The following SPG7 variants were observed in gnomAD, a reference collection of about 807,000 sequenced individuals.
SPG7 encodes the protein mitochondrial inner membrane m-AAA protease component paraplegin.
A neutral mutation model predicts 81.9 loss-of-function variants in SPG7; 103 were observed. That is an observed-to-expected ratio of 1.26 (90% CI 1.07 to 1.48). The LOEUF (loss-of-function observed/expected upper bound fraction) is 1.48, where lower values mean the gene tolerates loss of function less well. SPG7 is among the 40% of genes most tolerant of loss of function. The probability of loss-of-function intolerance (pLI) is 0.00; values close to 1 mark genes in which losing one functional copy is unlikely to be tolerated. For missense variants in SPG7, 1,241 were observed against 1,087.3 expected, an observed-to-expected ratio of 1.14 and a Z score of -1.99; for synonymous variants, 534 against 444.2, an observed-to-expected ratio of 1.20 and a Z score of -2.54.
chr16:89,531,809 A>T, intron 7 of SPG7, 95 bp from the exon 8 acceptor site: 1 of 1,284,774 alleles, frequency 7.8e-7, no homozygotes, highest in East Asian at 2.3e-5. Flanking sequence ...CACCCACTGC[A>T]CTCCAGCCTG....
In SPG7 at chr16:89,532,150, G is replaced by C. The variant is rs536877993; in HGVS notation, c.1150+84G>C. 1.9e-5 allele frequency: 27 copies of C among 1,416,040 alleles called. No homozygotes were observed. The East Asian group carries it at 5.7e-4, about 30-fold the overall frequency. The allele number at this position is 1,416,040 out of a possible 1,614,324, so 87.7% of individuals were successfully genotyped here. Reference sequence around the variant, plus strand: ...ACATCCTTCCTCTGGTGTCTGGACTGAAAGGGACACGGGTGGGTGGGGGAG... The same window carrying C: ...ACATCCTTCCTCTGGTGTCTGGACTCAAAGGGACACGGGTGGGTGGGGGAG... On this transcript the variant is annotated intron_variant, in intron 8 of 16. Coordinates refer to ENST00000645818, the MANE Select transcript of SPG7 (RefSeq NM_003119.4).
chr16:89,539,191 A>G (rs1050787848), intron 9 of SPG7: 3 of 152,174 alleles, frequency 2.0e-5, no homozygotes, highest in African/African-American at 7.2e-5. Flanking sequence ...GCTCATTTTG[A>G]TAAAGTTCAG....
At chr16:89,525,753 T>C (rs1043380972) in intron 4 of SPG7, among the ~76,000 whole-genome samples, 1 of 152,144 alleles carries the variant, frequency 6.6e-6, no homozygotes, top group Non-Finnish European at 1.5e-5. Flanking sequence ...TGGTTAAACA[T>C]GAACCCTCTG....
At chr16:89,532,706 G>A in intron 9 of SPG7, 70 bp downstream of exon 9, 3 of 1,586,570 alleles carry the variant, frequency 1.9e-6, no homozygotes, top group Non-Finnish European at 2.6e-6. Context: ...TTCAGAACAG[G>A]TTGTGGTGAG....
chr16:89,550,046 G>T (rs2058615320), intron 12 of SPG7: 2 of 269,908 alleles, frequency 7.4e-6, no homozygotes, highest in Non-Finnish European at 1.5e-5. Flanking sequence ...TTTGAGTTGG[G>T]GTGTCCAGAG....
chr16:89,552,710 G>A (rs961754621), intron 13 of SPG7: 22 of 485,774 alleles, frequency 4.5e-5, no homozygotes, highest in Middle Eastern at 5.9e-4. Context: ...TGTCTTCTAC[G>A]GGCCTTGTCT....
At position 89,544,735 on chromosome 16, in the gene SPG7, T is replaced by C. The variant is rs1426260380; in HGVS notation, c.1412T>C (p.Leu471Pro). 6.2e-7 allele frequency: 1 copy of C among 1,614,004 alleles called. No individual in the cohort carries two copies. Among genetic ancestry groups the C allele is most frequent in the African/African-American group, 1.3e-5 (1 of 74,942 alleles). ...LDGALMRPGR[L>P]DRHVFIDLPT... ...GGTGCTCTGATGAGGCCAGGCCGACTGGACCGGCACGTCTTCATTGATCTC... is the reference window on the plus strand; with the variant it reads ...GGTGCTCTGATGAGGCCAGGCCGACCGGACCGGCACGTCTTCATTGATCTC... Residue 471 changes from leucine to proline, a missense_variant, in exon 10 of 17, where the codon CTG (leucine) becomes CCG (proline). By Grantham distance (98) the Leu-to-Pro change is moderately conservative. Transcript: ENST00000645818.
At position 89,523,994 on chromosome 16, in the gene SPG7, C is replaced by T. The variant is rs1213265783; in HGVS notation, c.377-12C>T. ...GTGTTTGTTTCTCCCTTTTGCTTCTCTGCCGGCTCAGAGGAGAGGAGACGC... is the reference window on the plus strand; with the variant it reads ...GTGTTTGTTTCTCCCTTTTGCTTCTTTGCCGGCTCAGAGGAGAGGAGACGC... On this transcript the variant is annotated splice_polypyrimidine_tract_variant and intron_variant, in intron 3 of 16. Transcript: ENST00000645818. 6.2e-7 allele frequency: 1 copy of T among 1,611,490 alleles called. No individual in the cohort carries two copies. The highest frequency in any genetic ancestry group is 8.5e-7 in the Non-Finnish European group (1 of 1,179,970).
At chr16:89,528,084 A>T (rs2058288370) in intron 5 of SPG7, among the ~76,000 whole-genome samples, 1 of 151,574 alleles carries the variant, frequency 6.6e-6, no homozygotes, top group Non-Finnish European at 1.5e-5. Flanking sequence ...TCGTAGGCCG[A>T]TGATGGACAG....
chr16:89,512,862 G>C, intron 2 of SPG7, 86 bp from the exon 3 acceptor site: 5 of 1,466,410 alleles, frequency 3.4e-6, no homozygotes, highest in Non-Finnish European at 4.7e-6. Context: ...GTTTTGCTTT[G>C]GTTATTTAGG....
intron 9 of SPG7, among the ~76,000 whole-genome samples, chr16:89,535,184 T>C (rs2152405035): frequency 6.6e-6 from 1 of 152,316 alleles, no homozygotes; most frequent in Admixed American, 6.5e-5. Context: ...AGGTTTACAG[T>C]GTCGCTGCAC....
chr16:89,554,887 A>G (rs893111076), intron 16 of SPG7: 6 of 287,068 alleles, frequency 2.1e-5, no homozygotes, highest in African/African-American at 1.3e-4. Context: ...TTTTTTTAAA[A>G]CAAAGCTTTA....
intron 15 of SPG7, among the ~76,000 whole-genome samples, chr16:89,554,224 C>T (rs1003024951): frequency 6.6e-6 from 1 of 151,272 alleles, no homozygotes; most frequent in Non-Finnish European, 1.5e-5. Flanking sequence ...ACCCAGGGCC[C>T]ACATGTCCTT....
At chr16:89,550,412 A>T in intron 12 of SPG7, 82 bp from the exon 13 acceptor site, 1 of 939,824 alleles carries the variant, frequency 1.1e-6, no homozygotes, top group Non-Finnish European at 1.7e-6. Context: ...TCCTCAGGTC[A>T]TCCGCCCGCC....
intron 3 of SPG7, chr16:89,518,029 C>G (rs544951479): frequency 3.9e-5 from 6 of 152,218 alleles, no homozygotes; most frequent in African/African-American, 1.2e-4. Context: ...GCCAAATAAT[C>G]TTTCTTGTGA....
intron 15 of SPG7, 24 bp from the exon 16 acceptor site, chr16:89,554,462 T>C (rs2074647920): frequency 6.3e-7 from 1 of 1,577,104 alleles, no homozygotes; most frequent in Non-Finnish European, 8.7e-7. Context: ...GCCTTGCCCC[T>C]GACACAGTTC....
Position 89,532,491 on chromosome 16 carries a change from C to T in SPG7, c.1179C>T (p.Leu393=). ...TCGGCGCTGCCCGTGTGCGGAGCCT[C>T]TTTAAGGAAGCCCGAGCCCGGGCCC... ...GGLGAARVRS[L]FKEARARAPC... The change falls in exon 9 of 17, where the codon CTC becomes CTT. Residue 393 remains leucine, a synonymous_variant. Transcript: ENST00000645818. 1 of 1,613,596 alleles carries T rather than the reference C, an allele frequency of 6.2e-7. No homozygotes were observed. Among genetic ancestry groups the T allele is most frequent in the African/African-American group, 1.3e-5 (1 of 75,044 alleles).
intron 6 of SPG7, 50 bp downstream of exon 6, chr16:89,529,629 C>A: frequency 1.5e-6 from 2 of 1,357,224 alleles, no homozygotes; most frequent in Non-Finnish European, 1.0e-6. Context: ...TTTGTGTTTG[C>A]TGAATACTTT....
At chr16:89,512,004 A>G (rs561377708) in intron 2 of SPG7, among the ~76,000 whole-genome samples, 126 of 150,498 alleles carry the variant, frequency 8.4e-4, no homozygotes, top group African/African-American at 3.1e-3. Flanking sequence ...CTCTGCCTCC[A>G]GGATTCCCGC....
Sources: gnomAD v4.1 joint callset for allele counts (sites outside exome capture counted in the v4.1 genomes callset) on GRCh38, gnomAD v4.1.1 for gene constraint, MANE v1.5 for transcripts, NCBI Gene and HGNC (gene_info 2026-07-23, HGNC 2026-07-21) for gene names.